Variants in GALNT2 observed in about 807,000 individuals in gnomAD.
GALNT2 encodes polypeptide N-acetylgalactosaminyltransferase 2.
GALNT2 carries 31 observed loss-of-function variants against 81.4 expected under a neutral mutation model. That is an observed-to-expected ratio of 0.38 (90% CI 0.29 to 0.51). The LOEUF is 0.51. Ranked by LOEUF, GALNT2 falls within the 20% of genes least tolerant of loss-of-function variation. The pLI is 0.87. For missense variants in GALNT2, 629 were observed against 765.7 expected (o/e 0.82, Z 2.11); for synonymous variants, 303 against 287.4 (o/e 1.05, Z -0.55).
At chr1:230,246,213 C>A in intron 8 of GALNT2, 63 bp downstream of exon 8, 1 of 1,208,724 alleles carries the variant, frequency 8.3e-7, no homozygotes, top group Non-Finnish European at 1.2e-6. Context: ...CTGATCACCA[C>A]TCCCTCTCAT....
upstream of GALNT2, among the ~76,000 whole-genome samples, chr1:230,065,481 G>A (rs1659151549): frequency 6.6e-6 from 1 of 152,164 alleles, no homozygotes; most frequent in African/African-American, 2.4e-5. Flanking sequence ...AGTTTGACAT[G>A]TGGTATTACA....
chr1:230,168,145 G>C (rs1662673689), intron 1 of GALNT2, among the ~76,000 whole-genome samples: 1 of 151,688 alleles, frequency 6.6e-6, no homozygotes, highest in South Asian at 2.1e-4. Context: ...CGGAGCAAGT[G>C]TTAGAAAATG....
Position 230,146,628 on chromosome 1 carries a change from G to A in GALNT2, c.127-31590G>A, listed in dbSNP as rs537729833. 5.3e-5 allele frequency among the ~76,000 whole-genome samples: 8 copies of A among 152,238 alleles called. No individual in the cohort carries two copies. In the South Asian group the frequency reaches 1.2e-3, roughly 24 times the overall value. On this transcript the variant is annotated intron_variant, in intron 1 of 15. Coordinates refer to ENST00000366672, the MANE Select transcript of GALNT2 (RefSeq NM_004481.5). The stretch of plus-strand genomic sequence containing the variant: ...GAGCAAACTCGGCTCTCAGGGAGCT[G>A]GGGCATTTAGGAAAAGGAAACAAAT...
At chr1:230,205,773 A>T (rs1366316686) in intron 3 of GALNT2, among the ~76,000 whole-genome samples, 1 of 152,154 alleles carries the variant, frequency 6.6e-6, no homozygotes, top group Non-Finnish European at 1.5e-5. Context: ...CCCCACCACC[A>T]GCCCATCCCC....
At chr1:230,154,268 T>A (rs1462055213) in intron 1 of GALNT2, among the ~76,000 whole-genome samples, 3 of 152,208 alleles carry the variant, frequency 2.0e-5, no homozygotes, top group Non-Finnish European at 4.4e-5. Flanking sequence ...TAAGTTTTTC[T>A]CCACGTGGGC....
At chr1:230,076,396 T>G (rs1046819366) in intron 1 of GALNT2, among the ~76,000 whole-genome samples, 9 of 152,208 alleles carry the variant, frequency 5.9e-5, no homozygotes, top group Non-Finnish European at 1.2e-4. Flanking sequence ...CCTGTGCACC[T>G]TTTCCAGCAC....
At chr1:230,099,967 A>G (rs895109783) in intron 1 of GALNT2, among the ~76,000 whole-genome samples, 2 of 152,222 alleles carry the variant, frequency 1.3e-5, no homozygotes, top group Non-Finnish European at 2.9e-5. Context: ...TGAATAGTTA[A>G]TGACATTTTT....
chr1:230,268,888 G>A (rs1416644804), intron 14 of GALNT2, among the ~76,000 whole-genome samples: 2 of 152,216 alleles, frequency 1.3e-5, no homozygotes, highest in Non-Finnish European at 2.9e-5. Flanking sequence ...ACAGACCTTT[G>A]ACACAGAGCG....
At chr1:230,152,052 T>C (rs1485278376) in intron 1 of GALNT2, among the ~76,000 whole-genome samples, 1 of 152,226 alleles carries the variant, frequency 6.6e-6, no homozygotes, top group African/African-American at 2.4e-5. Context: ...TTTGGCCGGC[T>C]CCTTTACTGT....
intron 2 of GALNT2, among the ~76,000 whole-genome samples, chr1:230,184,459 G>C (rs1456263368): frequency 6.6e-6 from 1 of 151,846 alleles, no homozygotes; most frequent in Non-Finnish European, 1.5e-5. Flanking sequence ...AGAGTGCTGG[G>C]ATTACAGGCG....
At chr1:230,137,500 A>T (rs1013646064) in intron 1 of GALNT2, among the ~76,000 whole-genome samples, 1 of 152,246 alleles carries the variant, frequency 6.6e-6, no homozygotes, top group African/African-American at 2.4e-5. Context: ...TCAGCTGGGC[A>T]GCCAGCCGAG....
At chr1:230,262,824 G>A in intron 12 of GALNT2, 98 bp from the exon 13 acceptor site, 1 of 1,364,090 alleles carries the variant, frequency 7.3e-7, no homozygotes, top group Non-Finnish European at 1.0e-6. Flanking sequence ...CACACCACCT[G>A]CCCCAACCCT....
intron 1 of GALNT2, among the ~76,000 whole-genome samples, chr1:230,171,918 C>T (rs1662806240): frequency 6.6e-6 from 1 of 151,556 alleles, no homozygotes; most frequent in African/African-American, 2.4e-5. Flanking sequence ...ACAGCCCCTG[C>T]CCCCCACCCC....
intron 1 of GALNT2, among the ~76,000 whole-genome samples, chr1:230,138,974 T>C (rs1376887808): frequency 6.6e-6 from 1 of 152,194 alleles, no homozygotes; most frequent in East Asian, 1.9e-4. Flanking sequence ...TGAGAACGCC[T>C]AACCTCCTGG....
At chr1:230,229,836 G>A (rs1156449470) in intron 3 of GALNT2, among the ~76,000 whole-genome samples, 1 of 152,174 alleles carries the variant, frequency 6.6e-6, no homozygotes, top group Non-Finnish European at 1.5e-5. Context: ...GCAGAAAAAT[G>A]CTTGGTATAA....
chr1:230,109,124 C>T (rs1008079423), intron 1 of GALNT2, among the ~76,000 whole-genome samples: 9 of 152,256 alleles, frequency 5.9e-5, no homozygotes, highest in African/African-American at 1.9e-4. Context: ...TGAATTCCCG[C>T]TCCACCAGTA....
At chr1:230,252,393 A>ACCTTTAAC (rs1665572052) in intron 10 of GALNT2, among the ~76,000 whole-genome samples, 1 of 152,208 alleles carries the variant, frequency 6.6e-6, no homozygotes, top group Non-Finnish European at 1.5e-5. Flanking sequence ...TGGAGGACCA[A>ACCTTTAAC]GAACCTAACC....
At chr1:230,107,163 A>G (rs1293229071) in intron 1 of GALNT2, among the ~76,000 whole-genome samples, 3 of 152,218 alleles carry the variant, frequency 2.0e-5, no homozygotes, top group African/African-American at 7.2e-5. Context: ...TGACTTGCAG[A>G]GATAAGGAAG....
intron 3 of GALNT2, among the ~76,000 whole-genome samples, chr1:230,233,101 G>A (rs751782793): frequency 6.6e-6 from 1 of 152,186 alleles, no homozygotes; most frequent in Non-Finnish European, 1.5e-5. Flanking sequence ...TTCTCTGAAG[G>A]TGCGGCCATT....
Sources: allele counts gnomAD v4.1 joint callset (sites outside exome capture counted in the v4.1 genomes callset), GRCh38; gene constraint gnomAD v4.1.1; transcripts MANE v1.5; gene names NCBI Gene and HGNC (gene_info 2026-07-23, HGNC 2026-07-21).